LHPP: variants seen among roughly 807,000 people sequenced by gnomAD.
The protein encoded by LHPP is hLHPP.
In LHPP, 24 loss-of-function variants were observed where a neutral mutation model predicts 30.3. That is an observed-to-expected ratio of 0.79 (90% CI 0.57 to 1.11). The LOEUF is 1.11. Ranked by LOEUF, LHPP falls within the 50% of genes most tolerant of loss-of-function variation. The pLI is 0.00. For missense variants in LHPP, 356 were observed against 367.2 expected, an observed-to-expected ratio of 0.97 and a Z score of 0.25; for synonymous variants, 150 against 157.1, an observed-to-expected ratio of 0.95 and a Z score of 0.34.
At chr10:124,502,191 A>G (rs1953923634) in intron 5 of LHPP, among the ~76,000 whole-genome samples, 1 of 151,930 alleles carries the variant, frequency 6.6e-6, no homozygotes, top group Non-Finnish European at 1.5e-5. Context: ...CAAGGCGGTT[A>G]GCTAACCTAG....
At position 124,489,454 on chromosome 10, in the gene LHPP, G is replaced by GTA. The variant is rs566931946; in HGVS notation, c.467+891_467+892dup. 3.8e-4 allele frequency among the ~76,000 whole-genome samples: 58 copies of GTA among 151,874 alleles called. 1 individual carries two copies. The South Asian group carries it at 7.9e-3, about 21-fold the overall frequency. ...TGGTTATCTATGGTGTGGCTATCTT[G>GTA]TATATATATATATTTTTTAAGACTG... On this transcript the variant is annotated intron_variant, in intron 3 of 6. Transcript: ENST00000368842.
intron 6 of LHPP, among the ~76,000 whole-genome samples, chr10:124,601,290 C>T (rs1949017174): frequency 6.6e-6 from 1 of 152,220 alleles, no homozygotes; most frequent in Admixed American, 6.5e-5. Flanking sequence ...CAGCGCAGTG[C>T]TGCCCATGGT....
intron 6 of LHPP, among the ~76,000 whole-genome samples, chr10:124,583,105 C>T (rs1282437382): frequency 6.6e-6 from 1 of 152,048 alleles, no homozygotes; most frequent in Non-Finnish European, 1.5e-5. Context: ...TTTTCATTTT[C>T]TTGATGTTGT....
intron 3 of LHPP, among the ~76,000 whole-genome samples, chr10:124,495,745 G>C (rs920506184): frequency 4.6e-5 from 7 of 151,868 alleles, no homozygotes; most frequent in Admixed American, 1.3e-4. Context: ...TGTCAGCCTG[G>C]GTGAAAGGTT....
At position 124,608,735 on chromosome 10, in the gene LHPP, G is replaced by A. The variant is rs77398321; in HGVS notation, c.717-4529G>A. Among the ~76,000 whole-genome samples the A allele has an allele frequency of 6.9e-3, 1,057 of 152,306 alleles. 21 individuals are homozygous for A. In the East Asian group the frequency reaches 0.071, roughly 10 times the overall value. Reference sequence around the variant, plus strand: ...TGCCTACCCAGCTTGCCGTGTCCTCGGCCAGGGCCAGCAGTCTCAGAGGTA... The same window carrying A: ...TGCCTACCCAGCTTGCCGTGTCCTCAGCCAGGGCCAGCAGTCTCAGAGGTA... On this transcript the variant is annotated intron_variant, in intron 6 of 6. Transcript: ENST00000368842.
Position 124,512,976 on chromosome 10 carries a change from C to T in LHPP, c.625-4204C>T, listed in dbSNP as rs191899945. Among the ~76,000 whole-genome samples the T allele has an allele frequency of 1.8e-4, 28 of 152,326 alleles. No homozygotes were observed. In the East Asian group the frequency reaches 5.2e-3, roughly 28 times the overall value. The stretch of plus-strand genomic sequence containing the variant: ...CTCAGTAAGACTCCCCTGGCTTGGG[C>T]ATGCTTCATAGTCATCGTTTCATTT... On this transcript the variant is annotated intron_variant, in intron 5 of 6. Transcript: ENST00000368842.
chr10:124,494,685 A>G (rs1262760056), intron 3 of LHPP, among the ~76,000 whole-genome samples: 1 of 151,850 alleles, frequency 6.6e-6, no homozygotes, highest in Non-Finnish European at 1.5e-5. Flanking sequence ...CCTCCCCTTC[A>G]CTTCCTTTTA....
chr10:124,478,483 G>A lies in LHPP; in HGVS notation c.126-5656G>A, dbSNP rs1053325113. Among the ~76,000 whole-genome samples the A allele has an allele frequency of 2.0e-5, 3 of 152,178 alleles. No individual in the cohort carries two copies. The highest frequency in any genetic ancestry group is 4.4e-5 in the Non-Finnish European group (3 of 68,022). Reference sequence around the variant, plus strand: ...TTCTCCCTCCAGCCTCAGGACCCTCGGCGGTCCCCAGAGGGCTAGCTATTG... The same window carrying A: ...TTCTCCCTCCAGCCTCAGGACCCTCAGCGGTCCCCAGAGGGCTAGCTATTG... On this transcript the variant is annotated intron_variant, in intron 1 of 6. Coordinates refer to ENST00000368842, the MANE Select transcript of LHPP (RefSeq NM_022126.4). This position sits in a 1 kb window ranked among gnomAD's most constrained non-coding sequence, Gnocchi z 4.7.
rs1952404007 is a variant in LHPP at position 124,461,846 on chromosome 10, G to A, written c.-17G>A. The A allele has an allele frequency of 1.6e-5, 20 of 1,238,204 alleles. No individual in the cohort carries two copies. Among genetic ancestry groups the A allele is most frequent in the Non-Finnish European group, 1.9e-5 (19 of 987,758 alleles). The allele number at this position is 1,238,204 out of a possible 1,614,324, so 76.7% of individuals were successfully genotyped here. On this transcript the variant is annotated 5_prime_UTR_variant, in exon 1 of 7. Transcript: ENST00000368842. ...GCGTCGGTTGGGACGCGGAGCTGAGGAGCAGGGCCGGGCGCCATGGCACCG... is the reference window on the plus strand; with the variant it reads ...GCGTCGGTTGGGACGCGGAGCTGAGAAGCAGGGCCGGGCGCCATGGCACCG...
chr10:124,498,105 G>A lies in LHPP; in HGVS notation c.601G>A (p.Ala201Thr), dbSNP rs199892972. The A allele has an allele frequency of 3.4e-5, 55 of 1,614,086 alleles. No individual in the cohort carries two copies. Among genetic ancestry groups the A allele is most frequent in the Non-Finnish European group, 4.2e-5 (49 of 1,180,032 alleles). ...TGAGTTTTTCAAGTCTGCCCTGCAA[G>A]CGATAGGAGTGGAAGCCCACCAGGT... is the stretch of plus-strand genomic sequence containing the variant. ...SPEFFKSALQ[A>T]IGVEAHQAVM... The change falls in exon 5 of 7, where the codon GCG becomes ACG. Residue 201 changes from alanine (A) to threonine (T), a missense_variant. Coordinates refer to ENST00000368842, the MANE Select transcript of LHPP (RefSeq NM_022126.4).
intron 6 of LHPP, among the ~76,000 whole-genome samples, chr10:124,549,714 G>T (rs1955431749): frequency 6.6e-6 from 1 of 152,248 alleles, no homozygotes; most frequent in Non-Finnish European, 1.5e-5. Context: ...GGGCTGCCAG[G>T]CTGGGCCTGC....
intron 6 of LHPP, among the ~76,000 whole-genome samples, chr10:124,530,612 A>C (rs1954875666): frequency 6.6e-6 from 1 of 151,074 alleles, no homozygotes; most frequent in Non-Finnish European, 1.5e-5. Flanking sequence ...GCCTGCTCAC[A>C]CCCCACTCAT....
Position 124,543,063 on chromosome 10 carries a change from CAG to C in LHPP, c.716+25793_716+25794del, listed in dbSNP as rs1015707119. On this transcript the variant is annotated intron_variant, in intron 6 of 6. Transcript: ENST00000368842. Reference sequence around the variant, plus strand: ...ACCTCACTGCCACCCATGCCCATCTCAGGGTGTGGGCCCAGCGGGTCCTCAGG... The same window carrying C: ...ACCTCACTGCCACCCATGCCCATCTCGGTGTGGGCCCAGCGGGTCCTCAGG... Among the ~76,000 whole-genome samples, 96 of 152,338 alleles carry C rather than the reference CAG, an allele frequency of 6.3e-4. 1 individual carries two copies. Among genetic ancestry groups the C allele is most frequent in the African/African-American group, 2.2e-3 (93 of 41,580 alleles).
At position 124,461,930 on chromosome 10, in the gene LHPP, A is replaced by G. The variant is rs1487550948; in HGVS notation, c.68A>G (p.Tyr23Cys). Residue 23 changes from tyrosine (Y) to cysteine (C), a missense_variant, in exon 1 of 7, where the codon TAC becomes TGC. Tyr to Cys is a radical substitution (Grantham distance 194). Transcript: ENST00000368842. ...GVLLDISGVL[Y>C]DSGAGGGTAI... Reference sequence around the variant, plus strand: ...CTGCTTGACATCTCGGGCGTGCTGTACGACAGCGGCGCGGGCGGCGGCACG... The same window carrying G: ...CTGCTTGACATCTCGGGCGTGCTGTGCGACAGCGGCGCGGGCGGCGGCACG... 3 of 1,247,738 alleles carry G rather than the reference A, an allele frequency of 2.4e-6. No homozygotes were observed. The highest frequency in any genetic ancestry group is 3.0e-6 in the Non-Finnish European group (3 of 991,954). The allele number at this position is 1,247,738 out of a possible 1,614,324, so 77.3% of individuals were successfully genotyped here. A position where few individuals can be genotyped will look rare whatever the true frequency, so the allele number is the denominator to read the frequency against.
At chr10:124,480,782 C>T (rs1953098878) in intron 1 of LHPP, among the ~76,000 whole-genome samples, 1 of 152,196 alleles carries the variant, frequency 6.6e-6, no homozygotes, top group African/African-American at 2.4e-5. Flanking sequence ...AGGAATGAAT[C>T]ACCCATCCTA....
chr10:124,613,747 T>G lies in LHPP; in HGVS notation c.*387T>G. Reference sequence around the variant, plus strand: ...ATGCAGTAAACTCCACCTAACCAGATTCAGGGGCACTATGCCCACTGCCTC... The same window carrying G: ...ATGCAGTAAACTCCACCTAACCAGAGTCAGGGGCACTATGCCCACTGCCTC... On this transcript the variant is annotated 3_prime_UTR_variant, in exon 7 of 7. Transcript: ENST00000368842. 1 of 260,572 alleles carries G rather than the reference T, an allele frequency of 3.8e-6. No homozygotes were observed. The highest frequency in any genetic ancestry group is 7.5e-6 in the Non-Finnish European group (1 of 133,510). The allele number at this position is 260,572 out of a possible 1,614,324, so 16.1% of individuals were successfully genotyped here. A position where few individuals can be genotyped will look rare whatever the true frequency, so the allele number is the denominator to read the frequency against.
At chr10:124,556,194 G>A (rs1344719840) in intron 6 of LHPP, among the ~76,000 whole-genome samples, 1 of 152,180 alleles carries the variant, frequency 6.6e-6, no homozygotes, top group Non-Finnish European at 1.5e-5. Flanking sequence ...CAGAGGTGAC[G>A]GTGACCTCTG....
chr10:124,544,968 G>A (rs568552380), intron 6 of LHPP, among the ~76,000 whole-genome samples: 1 of 152,288 alleles, frequency 6.6e-6, no homozygotes, highest in African/African-American at 2.4e-5. Context: ...TTGTCTGGGA[G>A]GACGGTGGCT....
In LHPP at chr10:124,462,123, G is replaced by C. The variant is rs1288911255; in HGVS notation, c.125+136G>C. 6 of 833,528 alleles carry C rather than the reference G, an allele frequency of 7.2e-6. No homozygotes were observed. In the East Asian group the frequency reaches 2.3e-4, roughly 32 times the overall value. The allele number at this position is 833,528 out of a possible 1,614,324, so 51.6% of individuals were successfully genotyped here. ...GCCTCGGTCTCCCCCTTCCCACCCCGGTGCGCGCACAGTGCTGACCACGGA... is the reference window on the plus strand; with the variant it reads ...GCCTCGGTCTCCCCCTTCCCACCCCCGTGCGCGCACAGTGCTGACCACGGA... On this transcript the variant is annotated intron_variant, in intron 1 of 6. Transcript: ENST00000368842.
Sources: allele counts gnomAD v4.1 joint callset (sites outside exome capture counted in the v4.1 genomes callset), GRCh38; gene constraint gnomAD v4.1.1; non-coding constraint Gnocchi (gnomAD v3.1); transcripts MANE v1.5; gene names NCBI Gene and HGNC (gene_info 2026-07-23, HGNC 2026-07-21).